The following NOL4 variants were observed in gnomAD, a reference collection of about 807,000 sequenced individuals.
NOL4 encodes the protein nucleolar protein 4.
A neutral mutation model predicts 75.9 loss-of-function variants in NOL4; 17 were observed. The ratio of observed to expected loss-of-function variants is 0.22; its 90% confidence interval spans 0.15 to 0.34. The LOEUF (loss-of-function observed/expected upper bound fraction) is 0.34, where lower values mean the gene tolerates loss of function less well. NOL4 is among the 10% of genes least tolerant of loss of function. NOL4 has a pLI of 1.00. For synonymous variants in NOL4, 292 were observed against 289.9 expected (o/e 1.01, Z -0.07); for missense variants, 614 against 793.5 (o/e 0.77, Z 2.72).
intron 5 of NOL4, among the ~76,000 whole-genome samples, chr18:34,037,969 G>T (rs1440863015): frequency 1.3e-5 from 2 of 152,020 alleles, no homozygotes; most frequent in Non-Finnish European, 2.9e-5. Context: ...AGTTGAATAG[G>T]AGAGAATATG....
At chr18:34,094,942 C>A (rs943502136) in intron 4 of NOL4, among the ~76,000 whole-genome samples, 3 of 152,000 alleles carry the variant, frequency 2.0e-5, no homozygotes, top group African/African-American at 7.2e-5. Context: ...GAAGAATTAC[C>A]CTGGTTTCAT....
chr18:34,214,231 A>G (rs2146585992), intron 1 of NOL4, among the ~76,000 whole-genome samples: 1 of 152,228 alleles, frequency 6.6e-6, no homozygotes, highest in African/African-American at 2.4e-5. Context: ...AAGATAACCT[A>G]TTGAGGTGAA....
intron 1 of NOL4, among the ~76,000 whole-genome samples, chr18:34,174,531 C>A (rs1012131020): frequency 2.6e-5 from 4 of 151,440 alleles, no homozygotes; most frequent in Non-Finnish European, 4.4e-5. Context: ...ATTTTTTTTC[C>A]TTTTTTTATT....
At chr18:33,869,035 C>T (rs1310551724) in intron 10 of NOL4, among the ~76,000 whole-genome samples, 3 of 151,880 alleles carry the variant, frequency 2.0e-5, no homozygotes, top group African/African-American at 7.3e-5. Context: ...TGGCAATTTG[C>T]TGCTTCCTAT....
rs926961415 is a variant in NOL4, at chr18:34,114,930, T to C, written c.415-9770A>G. Among the ~76,000 whole-genome samples, 5 of 152,144 alleles carry C rather than the reference T, an allele frequency of 3.3e-5. No homozygotes were observed. The East Asian group carries it at 9.6e-4, about 29-fold the overall frequency. ...AAAATGTCATCACAGAAAAATTCAG[T>C]GTTTGTTAAACTATCTTCAACTTGA... On this transcript the variant is annotated intron_variant, in intron 2 of 10. Transcript: ENST00000261592.
chr18:34,167,997 C>T (rs1027128905), intron 1 of NOL4, among the ~76,000 whole-genome samples: 4 of 151,860 alleles, frequency 2.6e-5, no homozygotes, highest in African/African-American at 7.3e-5. Context: ...CTGCATTTTA[C>T]ATTTTTTTCT....
rs1454798272 is a variant in NOL4, at chr18:34,223,654, C to T, written c.-401G>A. On this transcript the variant is annotated 5_prime_UTR_variant, in exon 1 of 11. Coordinates refer to ENST00000261592, the MANE Select transcript of NOL4 (RefSeq NM_003787.5). ...TTGAATTGGGGTGGTCCCTAGACGC[C>T]TCGCCCCCGGGCTGCGTCCGGGGCT... 6.0e-6 allele frequency: 1 copy of T among 165,796 alleles called. No individual in the cohort carries two copies. Among genetic ancestry groups the T allele is most frequent in the Non-Finnish European group, 1.3e-5 (1 of 76,964 alleles). The allele number at this position is 165,796 out of a possible 1,614,324, so 10.3% of individuals were successfully genotyped here.
intron 4 of NOL4, among the ~76,000 whole-genome samples, chr18:34,101,399 T>G (rs2079037713): frequency 6.6e-6 from 1 of 152,082 alleles, no homozygotes; most frequent in South Asian, 2.1e-4. Context: ...CTGGGTAGGT[T>G]GGAAACTTAG....
intron 10 of NOL4, among the ~76,000 whole-genome samples, chr18:33,858,697 T>G (rs2062948385): frequency 6.6e-6 from 1 of 152,088 alleles, no homozygotes; most frequent in South Asian, 2.1e-4. Flanking sequence ...TGGAGTACTT[T>G]CTCCTCTTTT....
At chr18:34,157,735 A>C (rs1434488659) in intron 1 of NOL4, among the ~76,000 whole-genome samples, 2 of 152,190 alleles carry the variant, frequency 1.3e-5, no homozygotes, top group Non-Finnish European at 2.9e-5. Context: ...AGAGATTATC[A>C]AGGAAAATGA....
chr18:33,964,457 G>C (rs1464599228), intron 6 of NOL4, among the ~76,000 whole-genome samples: 1 of 145,586 alleles, frequency 6.9e-6, no homozygotes, highest in African/African-American at 2.6e-5. Context: ...AAGAAAGAGA[G>C]AAAGGAAAAC....
chr18:33,863,273 G>A (rs1162458743), intron 10 of NOL4, among the ~76,000 whole-genome samples: 1 of 152,088 alleles, frequency 6.6e-6, no homozygotes, highest in East Asian at 1.9e-4. Context: ...GACTGTTGTG[G>A]GGTAGGGGAA....
chr18:33,868,722 T>G (rs2144440870), intron 10 of NOL4, among the ~76,000 whole-genome samples: 1 of 151,274 alleles, frequency 6.6e-6, no homozygotes, highest in South Asian at 2.1e-4. Flanking sequence ...AATTTGGTAG[T>G]TTATTCCACT....
chr18:34,010,723 C>T (rs1197814741), intron 6 of NOL4, among the ~76,000 whole-genome samples: 2 of 151,638 alleles, frequency 1.3e-5, no homozygotes, highest in African/African-American at 2.4e-5. Context: ...TTCATTATTG[C>T]CTGTCTGTTG....
At chr18:34,174,512 A>G (rs902173571) in intron 1 of NOL4, among the ~76,000 whole-genome samples, 3 of 152,196 alleles carry the variant, frequency 2.0e-5, no homozygotes, top group African/African-American at 7.2e-5. Context: ...TTGAAAAATA[A>G]TGGTCCACAT....
intron 1 of NOL4, among the ~76,000 whole-genome samples, chr18:34,200,293 CA>C (rs1354208582): frequency 6.6e-6 from 1 of 151,752 alleles, no homozygotes; most frequent in Non-Finnish European, 1.5e-5. Context: ...ATAAACCAAA[CA>C]AAACGTGCCT....
chr18:33,904,480 C>T (rs1168647452), intron 9 of NOL4, among the ~76,000 whole-genome samples: 1 of 152,020 alleles, frequency 6.6e-6, no homozygotes, highest in Admixed American at 6.6e-5. Context: ...TATCCCTCCT[C>T]CCTTTTATGG....
chr18:34,083,609 C>T (rs2078107710), intron 5 of NOL4, among the ~76,000 whole-genome samples: 1 of 152,150 alleles, frequency 6.6e-6, no homozygotes, highest in African/African-American at 2.4e-5. Context: ...TTCTCATTTA[C>T]AAATATAGAA....
intron 6 of NOL4, among the ~76,000 whole-genome samples, chr18:33,971,239 G>A (rs1041941113): frequency 6.6e-6 from 1 of 152,186 alleles, no homozygotes; most frequent in Admixed American, 6.5e-5. Flanking sequence ...AAACACCTGT[G>A]TGGCATAATG....
Sources: allele counts gnomAD v4.1 joint callset (sites outside exome capture counted in the v4.1 genomes callset), GRCh38; gene constraint gnomAD v4.1.1; transcripts MANE v1.5; gene names NCBI Gene and HGNC (gene_info 2026-07-23, HGNC 2026-07-21).